The following ATF7 variants were observed in gnomAD, a reference collection of about 807,000 sequenced individuals.
ATF7 encodes the protein cyclic AMP-dependent transcription factor ATF-7.
In ATF7, 10 loss-of-function variants were observed where a neutral mutation model predicts 50.4. The observed-to-expected ratio is 0.20, with a 90% CI of 0.12 to 0.34. The LOEUF (loss-of-function observed/expected upper bound fraction) is 0.34, where lower values mean the gene tolerates loss of function less well. Among genes scored for constraint, ATF7 ranks in the 10% least tolerant of loss-of-function variants. The pLI is 1.00. For synonymous variants in ATF7, 201 were observed against 226.4 expected (o/e 0.89, Z 1.01); for missense variants, 465 against 613.9 (o/e 0.76, Z 2.56).
At position 53,534,402 on chromosome 12, in the gene ATF7, T is replaced by C. The variant is rs1939098108; in HGVS notation, c.560+100A>G. On this transcript the variant is annotated intron_variant, in intron 6 of 11. Transcript: ENST00000420353. ...TTGAGAGATAATCTCAGTGACTTATTTTCCTTGGGTATTGGAAAACAGTCC... is the reference window on the plus strand; with the variant it reads ...TTGAGAGATAATCTCAGTGACTTATCTTCCTTGGGTATTGGAAAACAGTCC... 3.3e-6 allele frequency: 5 copies of C among 1,531,368 alleles called. No homozygotes were observed. The South Asian group carries it at 4.5e-5, about 14-fold the overall frequency. The allele number at this position is 1,531,368 out of a possible 1,614,324, so 94.9% of individuals were successfully genotyped here. A position where few individuals can be genotyped will look rare whatever the true frequency, so the allele number is the denominator to read the frequency against.
chr12:53,509,144 T>TC (rs1237578134), downstream of ATF7, among the ~76,000 whole-genome samples: 2 of 152,132 alleles, frequency 1.3e-5, no homozygotes, highest in Non-Finnish European at 2.9e-5. Flanking sequence ...GCAAGCTGTC[T>TC]CCCGCTCTGA....
At chr12:53,546,406 T>C (rs905399509) in intron 3 of ATF7, among the ~76,000 whole-genome samples, 1 of 112,460 alleles carries the variant, frequency 8.9e-6, no homozygotes, top group African/African-American at 3.4e-5. Flanking sequence ...AAAAAGAAAA[T>C]ATGGCTTTTG....
chr12:53,554,034 G>A (rs1027021478), intron 2 of ATF7, among the ~76,000 whole-genome samples: 13 of 152,216 alleles, frequency 8.5e-5, no homozygotes, highest in African/African-American at 3.1e-4. Flanking sequence ...CAGCACTTTG[G>A]GAGGCTGAGG....
intron 5 of ATF7, among the ~76,000 whole-genome samples, chr12:53,537,009 A>G (rs186270686): frequency 5.4e-4 from 83 of 152,330 alleles, no homozygotes; most frequent in African/African-American, 1.9e-3. Flanking sequence ...GGGAAGGAGA[A>G]TAGGTATAAT....
intron 4 of ATF7, among the ~76,000 whole-genome samples, chr12:53,540,347 C>T (rs1389260554): frequency 2.1e-5 from 3 of 140,622 alleles, no homozygotes; most frequent in South Asian, 2.2e-4. Context: ...AGTGAGACTC[C>T]GTCTCAAAAA....
chr12:53,574,859 G>A (rs532678900), intron 2 of ATF7: 19 of 346,638 alleles, frequency 5.5e-5, no homozygotes, highest in African/African-American at 3.6e-4. Context: ...AAAAGAAATA[G>A]TAAATTCAAG....
At chr12:53,511,311 C>T (rs886770456), downstream of ATF7, among the ~76,000 whole-genome samples, 1 of 152,116 alleles carries the variant, frequency 6.6e-6, no homozygotes, top group Non-Finnish European at 1.5e-5. Context: ...TGCAACGGCA[C>T]GATCTTAGCT....
chr12:53,609,068 GC>G, intron 1 of ATF7, among the ~76,000 whole-genome samples: 1 of 152,106 alleles, frequency 6.6e-6, no homozygotes, highest in Non-Finnish European at 1.5e-5. Flanking sequence ...ACTTTAGGAG[GC>G]TGAGGTCAGA....
intron 2 of ATF7, among the ~76,000 whole-genome samples, chr12:53,583,082 TA>T (rs1413640413): frequency 2.0e-5 from 3 of 152,080 alleles, no homozygotes; most frequent in Non-Finnish European, 2.9e-5. Flanking sequence ...TCACAAAACT[TA>T]AAATGGATCA....
chr12:53,610,112 C>A (rs145200657), intron 1 of ATF7, among the ~76,000 whole-genome samples: 15 of 151,928 alleles, frequency 9.9e-5, no homozygotes, highest in Middle Eastern at 3.4e-3. Flanking sequence ...CCACCGTGCC[C>A]GGATTTTAGC....
intron 3 of ATF7, among the ~76,000 whole-genome samples, chr12:53,544,615 G>A (rs1351658655): frequency 6.6e-6 from 1 of 152,066 alleles, no homozygotes; most frequent in South Asian, 2.1e-4. Flanking sequence ...GGGCATAGTG[G>A]CAGGTGCCTG....
chr12:53,616,184 T>C (rs1944109055), intron 1 of ATF7, among the ~76,000 whole-genome samples: 1 of 152,158 alleles, frequency 6.6e-6, no homozygotes, highest in Non-Finnish European at 1.5e-5. Flanking sequence ...CACAAGCTCA[T>C]GAAATGACTT....
At chr12:53,554,183 T>C (rs1940561986) in intron 2 of ATF7, among the ~76,000 whole-genome samples, 1 of 152,152 alleles carries the variant, frequency 6.6e-6, no homozygotes, top group South Asian at 2.1e-4. Flanking sequence ...CAGGCTGGAG[T>C]GCAGTGGCGC....
Position 53,549,880 on chromosome 12 carries a change from G to A in ATF7, c.145+2661C>T, listed in dbSNP as rs931984014. On this transcript the variant is annotated intron_variant, in intron 3 of 11. Transcript: ENST00000420353. ...ATTATGGGCGTGAGCCAACATGCCC[G>A]GCTAATTTTGTATTTTTAGTAGAGA... is the stretch of plus-strand genomic sequence containing the variant. 1.2e-4 allele frequency among the ~76,000 whole-genome samples: 19 copies of A among 152,166 alleles called. No individual in the cohort carries two copies. The East Asian group carries it at 2.3e-3, about 19-fold the overall frequency.
chr12:53,513,735 C>G lies in ATF7; in HGVS notation c.*3402G>C, dbSNP rs997156713. The G allele has an allele frequency of 6.6e-6, 1 of 152,018 alleles. No homozygotes were observed. The highest frequency in any genetic ancestry group is 2.4e-5 in the African/African-American group (1 of 41,392). The allele number at this position is 152,018 out of a possible 1,614,324, so 9.4% of individuals were successfully genotyped here. ...ATCAGGGGCTAGCACCTTTAAGGAGCCTCTCAGTGTGGAGCAGGGGAGCCC... is the reference window on the plus strand; with the variant it reads ...ATCAGGGGCTAGCACCTTTAAGGAGGCTCTCAGTGTGGAGCAGGGGAGCCC... On this transcript the variant is annotated 3_prime_UTR_variant, in exon 12 of 12. Transcript: ENST00000420353.
chr12:53,537,164 G>A (rs1038432052), intron 5 of ATF7, among the ~76,000 whole-genome samples: 7 of 151,732 alleles, frequency 4.6e-5, no homozygotes, highest in African/African-American at 1.7e-4. Flanking sequence ...CGACCTCTAG[G>A]GCTTAAGTGA....
intron 4 of ATF7, among the ~76,000 whole-genome samples, chr12:53,539,937 G>A (rs1240524597): frequency 6.6e-6 from 1 of 151,944 alleles, no homozygotes; most frequent in Admixed American, 6.6e-5. Flanking sequence ...GGGTGTGGTG[G>A]TGAGTGCCTG....
chr12:53,518,488 A>G (rs542468473), intron 11 of ATF7, among the ~76,000 whole-genome samples: 35 of 151,912 alleles, frequency 2.3e-4, no homozygotes, highest in Non-Finnish European at 3.8e-4. Context: ...AGAGGGTCTC[A>G]CTCTGTCACC....
chr12:53,545,829 C>T (rs34636812), intron 3 of ATF7, among the ~76,000 whole-genome samples: 72,999 of 151,744 alleles, frequency 0.48, 17,698 homozygotes, highest in East Asian at 0.74. Flanking sequence ...CCAAGGCAGG[C>T]GGATCCCCCC....
Sources: gnomAD v4.1 joint callset for allele counts (sites outside exome capture counted in the v4.1 genomes callset) on GRCh38, gnomAD v4.1.1 for gene constraint, MANE v1.5 for transcripts, NCBI Gene and HGNC (gene_info 2026-07-23, HGNC 2026-07-21) for gene names.